STXBP5L: variants seen among roughly 807,000 people sequenced by gnomAD.
STXBP5L encodes the protein syntaxin binding protein 5L.
Under a neutral mutation model 144.5 loss-of-function variants are expected in STXBP5L, and 65 were observed. The observed-to-expected ratio is 0.45, with a 90% CI of 0.37 to 0.55. The LOEUF (loss-of-function observed/expected upper bound fraction) is 0.55, where lower values mean the gene tolerates loss of function less well. Ranked by LOEUF, STXBP5L falls within the 20% of genes least tolerant of loss-of-function variation. STXBP5L has a pLI of 0.00. For missense variants in STXBP5L, 1,298 were observed against 1,405.5 expected, an observed-to-expected ratio of 0.92 and a Z score of 1.22; for synonymous variants, 505 against 469.6, an observed-to-expected ratio of 1.08 and a Z score of -0.97.
intron 19 of STXBP5L, among the ~76,000 whole-genome samples, chr3:121,315,258 G>A (rs1269364169): frequency 6.6e-6 from 1 of 152,094 alleles, no homozygotes; most frequent in African/African-American, 2.4e-5. Flanking sequence ...ATGATAGACT[G>A]GATTAAGAAA....
At chr3:121,239,599 A>G (rs1043969132) in intron 13 of STXBP5L, among the ~76,000 whole-genome samples, 4 of 150,988 alleles carry the variant, frequency 2.6e-5, no homozygotes, top group Non-Finnish European at 4.4e-5. Flanking sequence ...TCAGTAAACT[A>G]TCGCAAGAAC....
chr3:121,367,790 CTTTTT>C (rs200992044), intron 20 of STXBP5L, among the ~76,000 whole-genome samples: 2 of 106,288 alleles, frequency 1.9e-5, no homozygotes, highest in South Asian at 3.2e-4. Flanking sequence ...TTTGCTTTTC[CTTTTT>C]TTTTTTTTTT....
intron 7 of STXBP5L, among the ~76,000 whole-genome samples, chr3:121,138,941 GA>G: frequency 6.6e-6 from 1 of 151,982 alleles, no homozygotes; most frequent in Non-Finnish European, 1.5e-5. Flanking sequence ...CATAGCAAAG[GA>G]AACAACAGAG....
intron 19 of STXBP5L, among the ~76,000 whole-genome samples, chr3:121,283,879 A>T (rs2051142347): frequency 6.8e-6 from 1 of 147,520 alleles, no homozygotes; most frequent in South Asian, 2.1e-4. Context: ...AGGATCTCCT[A>T]CATTTGTGTG....
At chr3:120,966,414 G>A (rs1939579577) in intron 3 of STXBP5L, among the ~76,000 whole-genome samples, 1 of 152,160 alleles carries the variant, frequency 6.6e-6, no homozygotes, top group Non-Finnish European at 1.5e-5. Context: ...CCATCTTTGT[G>A]GCTTTATCTA....
At chr3:121,108,969 C>A (rs1015910768) in intron 5 of STXBP5L, among the ~76,000 whole-genome samples, 11 of 152,206 alleles carry the variant, frequency 7.2e-5, no homozygotes, top group Admixed American at 3.3e-4. Flanking sequence ...GGAATTTATC[C>A]ATTTCCTCTG....
intron 16 of STXBP5L, among the ~76,000 whole-genome samples, chr3:121,256,852 T>TA (rs1308056586): frequency 6.6e-6 from 1 of 151,400 alleles, no homozygotes; most frequent in African/African-American, 2.4e-5. Flanking sequence ...TACTATATCT[T>TA]AAAGTATATT....
At chr3:121,082,742 A>G (rs767592941) in intron 5 of STXBP5L, among the ~76,000 whole-genome samples, 29 of 152,192 alleles carry the variant, frequency 1.9e-4, no homozygotes, top group Non-Finnish European at 1.0e-4. Flanking sequence ...ATTTTGTCAA[A>G]TACTATTTCT....
chr3:121,381,157 A>T (rs2046313484), intron 21 of STXBP5L, 136 bp from the exon 22 acceptor site: 1 of 828,260 alleles, frequency 1.2e-6, no homozygotes, highest in Non-Finnish European at 1.8e-6. Context: ...GAACTGGATA[A>T]GCTCCCTCTC....
intron 9 of STXBP5L, among the ~76,000 whole-genome samples, chr3:121,177,176 C>G (rs2046969249): frequency 6.6e-6 from 1 of 151,940 alleles, no homozygotes; most frequent in Non-Finnish European, 1.5e-5. Context: ...ACGAACAAAA[C>G]AAAGACACTG....
At chr3:120,908,919 C>CT (rs1449964308) in intron 1 of STXBP5L, among the ~76,000 whole-genome samples, 1 of 151,498 alleles carries the variant, frequency 6.6e-6, no homozygotes, top group Admixed American at 6.6e-5. Context: ...CGCCGTTCTC[C>CT]TCCTCCCCCC....
chr3:121,405,504 T>C (rs932679991), intron 22 of STXBP5L, among the ~76,000 whole-genome samples: 1 of 152,086 alleles, frequency 6.6e-6, no homozygotes, highest in Admixed American at 6.6e-5. Context: ...TATGTATTGA[T>C]TGAATGAAGG....
chr3:121,216,275 T>G (rs1577233946), intron 10 of STXBP5L, among the ~76,000 whole-genome samples: 2 of 152,314 alleles, frequency 1.3e-5, no homozygotes, highest in South Asian at 4.1e-4. Flanking sequence ...GGCTTTCTGG[T>G]TTTTGGAAGT....
At chr3:121,117,652 A>G (rs760616176) in intron 6 of STXBP5L, among the ~76,000 whole-genome samples, 29 of 151,812 alleles carry the variant, frequency 1.9e-4, no homozygotes, top group Non-Finnish European at 2.8e-4. Context: ...GACAAATGCA[A>G]GAATTATCTA....
chr3:120,972,147 A>T (rs1295192662), intron 3 of STXBP5L, among the ~76,000 whole-genome samples: 3 of 151,908 alleles, frequency 2.0e-5, no homozygotes, highest in Admixed American at 2.0e-4. Context: ...TGCATTGAAT[A>T]TGTACATTGA....
intron 5 of STXBP5L, among the ~76,000 whole-genome samples, chr3:121,069,957 G>A (rs564147278): frequency 6.6e-6 from 1 of 152,274 alleles, no homozygotes; most frequent in East Asian, 1.9e-4. Context: ...CCTCTTAGCA[G>A]CACTTTTGCT....
rs958680657 is a variant in STXBP5L, at chr3:121,136,731, A to G, written c.669+15027A>G. Among the ~76,000 whole-genome samples the G allele has an allele frequency of 9.2e-5, 14 of 152,340 alleles. No homozygotes were observed. The East Asian group carries it at 1.2e-3, about 13-fold the overall frequency. On this transcript the variant is annotated intron_variant, in intron 7 of 26. Transcript: ENST00000471454. ...ATCCAAGAGTGTCATTGCTGGATATATAGCCAAAGAAATTATAAATTGTTC... is the reference window on the plus strand; with the variant it reads ...ATCCAAGAGTGTCATTGCTGGATATGTAGCCAAAGAAATTATAAATTGTTC...
chr3:121,190,439 T>C (rs1336918628), intron 9 of STXBP5L, among the ~76,000 whole-genome samples: 6 of 152,210 alleles, frequency 3.9e-5, no homozygotes, highest in Non-Finnish European at 8.8e-5. Context: ...AAATGGAGTC[T>C]CCTATGTCTA....
At chr3:121,132,047 A>G (rs547853928) in intron 7 of STXBP5L, among the ~76,000 whole-genome samples, 85 of 152,236 alleles carry the variant, frequency 5.6e-4, no homozygotes, top group Middle Eastern at 3.4e-3. Context: ...TGTGTTTAGC[A>G]CCTCAATTTT....
Sources: gnomAD v4.1 joint callset for allele counts (sites outside exome capture counted in the v4.1 genomes callset) on GRCh38, gnomAD v4.1.1 for gene constraint, MANE v1.5 for transcripts, NCBI Gene and HGNC (gene_info 2026-07-23, HGNC 2026-07-21) for gene names.